The following OXR1 variants were observed in gnomAD, a reference collection of about 807,000 sequenced individuals.
OXR1 encodes the protein oxidation resistance 1.
In OXR1, 41 loss-of-function variants were observed where a neutral mutation model predicts 104.6. The observed-to-expected ratio is 0.39, with a 90% confidence interval of 0.31 to 0.51. The LOEUF (loss-of-function observed/expected upper bound fraction) is 0.51. Ranked by LOEUF, OXR1 falls within the 20% of genes least tolerant of loss-of-function variation. The pLI, the probability that OXR1 is intolerant of heterozygous loss-of-function variation, is 0.77. For missense variants in OXR1, 955 were observed against 1,031.9 expected, an observed-to-expected ratio of 0.93 and a Z score of 1.02; for synonymous variants, 348 against 348.4, an observed-to-expected ratio of 1.00 and a Z score of 0.01.
chr8:106,604,075 C>CA (rs1402938878), intron 3 of OXR1, among the ~76,000 whole-genome samples: 1 of 151,916 alleles, frequency 6.6e-6, no homozygotes, highest in Non-Finnish European at 1.5e-5. Flanking sequence ...AACAAACAAA[C>CA]AAAAAACAGA....
chr8:106,527,018 A>T, intron 3 of OXR1, among the ~76,000 whole-genome samples: 1 of 152,150 alleles, frequency 6.6e-6, no homozygotes, highest in Non-Finnish European at 1.5e-5. Context: ...ATGGTGAGGA[A>T]CTTGGCCTTG....
intron 11 of OXR1, among the ~76,000 whole-genome samples, chr8:106,723,194 A>T (rs1268472641): frequency 6.6e-6 from 1 of 152,032 alleles, no homozygotes; most frequent in Non-Finnish European, 1.5e-5. Flanking sequence ...CATCTCTATT[A>T]AAAATACAAA....
chr8:106,595,978 C>T (rs1207357296), intron 3 of OXR1, among the ~76,000 whole-genome samples: 5 of 152,092 alleles, frequency 3.3e-5, no homozygotes, highest in African/African-American at 1.2e-4. Context: ...AATATTTCTT[C>T]CTTCTCCTAA....
chr8:106,375,986 A>C (rs1280883087), intron 2 of OXR1, among the ~76,000 whole-genome samples: 1 of 152,126 alleles, frequency 6.6e-6, no homozygotes, highest in Non-Finnish European at 1.5e-5. Context: ...AGTAGCTGGT[A>C]CTACAGGCAC....
chr8:106,284,746 C>A (rs1399543344), intron 1 of OXR1, among the ~76,000 whole-genome samples: 1 of 151,826 alleles, frequency 6.6e-6, no homozygotes, highest in East Asian at 1.9e-4. Flanking sequence ...TGTCATTTGC[C>A]TTTGAAGAAT....
intron 2 of OXR1, among the ~76,000 whole-genome samples, chr8:106,485,412 A>G (rs1810581991): frequency 6.6e-6 from 1 of 152,084 alleles, no homozygotes; most frequent in African/African-American, 2.4e-5. Flanking sequence ...TTAGTAGAAG[A>G]GCCATGCCTC....
chr8:106,582,696 A>G (rs1228406724), intron 3 of OXR1, among the ~76,000 whole-genome samples: 1 of 152,222 alleles, frequency 6.6e-6, no homozygotes, highest in Non-Finnish European at 1.5e-5. Context: ...ATTAAGCCAC[A>G]GAAGTGTTGT....
At chr8:106,546,920 T>A (rs755771260) in intron 3 of OXR1, among the ~76,000 whole-genome samples, 7 of 152,110 alleles carry the variant, frequency 4.6e-5, no homozygotes, top group Non-Finnish European at 1.0e-4. Flanking sequence ...TTAGACGGAG[T>A]CTCACTATGT....
At chr8:106,483,905 G>A (rs978659383) in intron 2 of OXR1, among the ~76,000 whole-genome samples, 2 of 152,026 alleles carry the variant, frequency 1.3e-5, no homozygotes, top group African/African-American at 4.8e-5. Flanking sequence ...ATGATTGAAT[G>A]TACATTTGAT....
At chr8:106,635,017 A>C (rs1451080592) in intron 3 of OXR1, among the ~76,000 whole-genome samples, 1 of 152,190 alleles carries the variant, frequency 6.6e-6, no homozygotes, top group Non-Finnish European at 1.5e-5. Flanking sequence ...CACTGGTCTT[A>C]ATGACAAAGA....
intron 3 of OXR1, among the ~76,000 whole-genome samples, chr8:106,672,021 T>C (rs904780341): frequency 6.7e-6 from 1 of 148,240 alleles, no homozygotes; most frequent in Non-Finnish European, 1.5e-5. Flanking sequence ...CTGTGAGGAG[T>C]CAGTAATTCA....
At chr8:106,505,806 T>C (rs1002090882) in intron 2 of OXR1, among the ~76,000 whole-genome samples, 1 of 152,220 alleles carries the variant, frequency 6.6e-6, no homozygotes, top group African/African-American at 2.4e-5. Flanking sequence ...CAGGGCACTA[T>C]GGACCATTGA....
intron 1 of OXR1, among the ~76,000 whole-genome samples, chr8:106,275,444 GT>G (rs1004672356): frequency 6.6e-5 from 10 of 152,200 alleles, no homozygotes; most frequent in African/African-American, 9.6e-5. Flanking sequence ...TTTCAAATCA[GT>G]TTTGTTCTAA....
intron 1 of OXR1, among the ~76,000 whole-genome samples, chr8:106,270,914 G>C (rs1348747463): frequency 6.6e-6 from 1 of 152,130 alleles, no homozygotes; most frequent in African/African-American, 2.4e-5. Context: ...GGGGCGAGTG[G>C]ATTCGGATAA....
intron 3 of OXR1, among the ~76,000 whole-genome samples, chr8:106,635,371 T>C (rs1823042998): frequency 6.6e-6 from 1 of 152,222 alleles, no homozygotes; most frequent in South Asian, 2.1e-4. Flanking sequence ...GAGTATATTA[T>C]AGAGCTTTTC....
intron 2 of OXR1, among the ~76,000 whole-genome samples, chr8:106,471,542 G>A (rs1475431513): frequency 1.3e-5 from 2 of 151,598 alleles, no homozygotes; most frequent in African/African-American, 2.4e-5. Flanking sequence ...TATTGCATGC[G>A]ATAGACTAGG....
At chr8:106,504,294 GCACCC>G (rs1812008553) in intron 2 of OXR1, among the ~76,000 whole-genome samples, 1 of 152,182 alleles carries the variant, frequency 6.6e-6, no homozygotes, top group African/African-American at 2.4e-5. Flanking sequence ...GTCCAGAGGA[GCACCC>G]TTGAAACTAT....
chr8:106,295,792 G>T (rs1812972255), intron 1 of OXR1, among the ~76,000 whole-genome samples: 2 of 152,224 alleles, frequency 1.3e-5, no homozygotes, highest in East Asian at 3.9e-4. Flanking sequence ...GCACTGTAGG[G>T]GAATAGAAAG....
rs139756832 is a variant in OXR1, at chr8:106,706,457, C to T, written c.936C>T (p.Asp312=). 3.1e-6 allele frequency: 5 copies of T among 1,596,542 alleles called. No individual in the cohort carries two copies. In the African/African-American group the frequency reaches 5.4e-5, roughly 17 times the overall value. The part of the protein sequence containing the change: ...KMTGSNTEEI[D]SRIRDAGNDS... ...CAGGAAGTAACACTGAGGAAATAGACTCAAGAATCCGAGATGCAGGTAATG... is the reference window on the plus strand; with the variant it reads ...CAGGAAGTAACACTGAGGAAATAGATTCAAGAATCCGAGATGCAGGTAATG... Residue 312 remains aspartate, a synonymous_variant, in exon 9 of 17, where the codon GAC becomes GAT. Transcript: ENST00000517566.
Sources: allele counts gnomAD v4.1 joint callset (sites outside exome capture counted in the v4.1 genomes callset), GRCh38; gene constraint gnomAD v4.1.1; transcripts MANE v1.5; gene names NCBI Gene and HGNC (gene_info 2026-07-23, HGNC 2026-07-21).